SNX29: variants seen among roughly 807,000 people sequenced by gnomAD.
The protein encoded by SNX29 is sorting nexin 29, also known as sorting nexin-29.
In SNX29, 78 loss-of-function variants were observed where a neutral mutation model predicts 102.1. The ratio of observed to expected loss-of-function variants is 0.76; its 90% CI spans 0.64 to 0.92. SNX29 has a LOEUF of 0.92. Among genes scored for constraint, SNX29 ranks in the 40% least tolerant of loss-of-function variants. The pLI is 0.00. For missense variants in SNX29, 1,280 were observed against 1,061.7 expected (o/e 1.21, Z -2.86); for synonymous variants, 580 against 414.5 (o/e 1.40, Z -4.85).
intron 3 of SNX29, 49 bp downstream of exon 3, chr16:12,003,092 G>T: frequency 6.2e-7 from 1 of 1,607,652 alleles, no homozygotes. Flanking sequence ...TGGAAAGGCG[G>T]CAGAAGGTGG....
intron 18 of SNX29, among the ~76,000 whole-genome samples, chr16:12,419,963 C>G (rs541941741): frequency 6.6e-6 from 1 of 152,346 alleles, no homozygotes; most frequent in East Asian, 1.9e-4. Flanking sequence ...AGCCTGCAGG[C>G]TGCCCACAGC....
intron 19 of SNX29, among the ~76,000 whole-genome samples, chr16:12,492,077 C>T (rs979824977): frequency 3.2e-4 from 48 of 152,238 alleles, no homozygotes; most frequent in African/African-American, 1.1e-3. Context: ...ATGGTATTTC[C>T]AGTTCTAGAT....
chr16:12,110,031 C>T (rs999773138), intron 11 of SNX29, among the ~76,000 whole-genome samples: 2 of 152,130 alleles, frequency 1.3e-5, no homozygotes, highest in Non-Finnish European at 1.5e-5. Flanking sequence ...GCCCGGCCCT[C>T]GTCTTTAAAA....
At chr16:12,294,302 G>C (rs540398746) in intron 15 of SNX29, among the ~76,000 whole-genome samples, 12 of 152,230 alleles carry the variant, frequency 7.9e-5, no homozygotes, top group Non-Finnish European at 1.6e-4. Context: ...GCTGTGATGG[G>C]GAACCCTCTT....
intron 15 of SNX29, among the ~76,000 whole-genome samples, chr16:12,353,257 T>C (rs1359455396): frequency 6.6e-6 from 1 of 152,170 alleles, no homozygotes; most frequent in African/African-American, 2.4e-5. Flanking sequence ...AGCATTTCTA[T>C]CTCCTTGGTG....
At chr16:12,092,889 CT>C (rs2052615473) in intron 11 of SNX29, among the ~76,000 whole-genome samples, 1 of 152,158 alleles carries the variant, frequency 6.6e-6, no homozygotes, top group Non-Finnish European at 1.5e-5. Flanking sequence ...TGGCTTTTGG[CT>C]AGGCAAGCCA....
At chr16:12,568,384 AAT>A (rs2079103292) in intron 20 of SNX29, 120 bp from the exon 21 acceptor site, 3 of 1,323,120 alleles carry the variant, frequency 2.3e-6, no homozygotes, top group Non-Finnish European at 3.1e-6. Context: ...AGGCAGATCC[AAT>A]GAGCCAGTCA....
chr16:12,279,425 A>G (rs552471305), intron 15 of SNX29, among the ~76,000 whole-genome samples: 21 of 152,334 alleles, frequency 1.4e-4, no homozygotes, highest in Admixed American at 1.1e-3. Flanking sequence ...TGAGGCCTTA[A>G]CACACAGGTT....
At chr16:12,496,213 G>C (rs768043926) in intron 19 of SNX29, among the ~76,000 whole-genome samples, 1 of 152,228 alleles carries the variant, frequency 6.6e-6, no homozygotes, top group Non-Finnish European at 1.5e-5. Flanking sequence ...CCCTAAAATT[G>C]TGCCTTGCAC....
At chr16:12,213,298 A>G (rs1204737453) in intron 14 of SNX29, among the ~76,000 whole-genome samples, 2 of 152,168 alleles carry the variant, frequency 1.3e-5, no homozygotes, top group Admixed American at 6.5e-5. Flanking sequence ...AGGGGCATAT[A>G]GAGAAACATA....
chr16:12,270,441 C>T (rs1157144182), intron 14 of SNX29, among the ~76,000 whole-genome samples: 1 of 152,102 alleles, frequency 6.6e-6, no homozygotes, highest in Non-Finnish European at 1.5e-5. Context: ...CTTTTACTCC[C>T]AAGGCAAATT....
At chr16:12,492,380 TG>T (rs1302421963) in intron 19 of SNX29, among the ~76,000 whole-genome samples, 14 of 152,342 alleles carry the variant, frequency 9.2e-5, no homozygotes, top group African/African-American at 3.1e-4. Context: ...TGGGGTTGTT[TG>T]TTTTTTTCTT....
At chr16:12,148,437 C>G (rs2055156799) in intron 13 of SNX29, among the ~76,000 whole-genome samples, 1 of 146,998 alleles carries the variant, frequency 6.8e-6, no homozygotes, top group Non-Finnish European at 1.5e-5. Context: ...AAGGCTCTTT[C>G]CCAAGTTTGT....
intron 18 of SNX29, among the ~76,000 whole-genome samples, chr16:12,475,006 G>C (rs2087524858): frequency 6.6e-6 from 1 of 152,214 alleles, no homozygotes; most frequent in Admixed American, 6.5e-5. Context: ...CCTAACCCAA[G>C]TCCAGTTCCT....
chr16:12,563,416 T>C (rs2078843211), intron 20 of SNX29, among the ~76,000 whole-genome samples: 1 of 152,218 alleles, frequency 6.6e-6, no homozygotes, highest in Admixed American at 6.5e-5. Flanking sequence ...CGACTGGATT[T>C]TGTTCCTTGC....
intron 18 of SNX29, among the ~76,000 whole-genome samples, chr16:12,466,697 C>T (rs2087068624): frequency 6.6e-6 from 1 of 152,234 alleles, no homozygotes; most frequent in Admixed American, 6.5e-5. Flanking sequence ...TAGTTTCATG[C>T]TTAAGTTGTG....
At chr16:12,549,720 C>T (rs1597926278) in intron 20 of SNX29, among the ~76,000 whole-genome samples, 1 of 152,212 alleles carries the variant, frequency 6.6e-6, no homozygotes, top group Admixed American at 6.5e-5. Context: ...AGGAGAGTCA[C>T]CCTACAAAGT....
At chr16:12,445,422 C>A (rs8051300) in intron 18 of SNX29, among the ~76,000 whole-genome samples, 11 of 152,096 alleles carry the variant, frequency 7.2e-5, no homozygotes, top group African/African-American at 2.4e-4. Flanking sequence ...GAGCAACTCT[C>A]CTGTGTGCAT....
chr16:12,223,932 A>C (rs1172524850), intron 14 of SNX29, among the ~76,000 whole-genome samples: 1 of 152,166 alleles, frequency 6.6e-6, no homozygotes, highest in Non-Finnish European at 1.5e-5. Flanking sequence ...CATACGAAGA[A>C]ACGTAGCCTC....
Sources: allele counts gnomAD v4.1 joint callset (sites outside exome capture counted in the v4.1 genomes callset), GRCh38; gene constraint gnomAD v4.1.1; transcripts MANE v1.5; gene names NCBI Gene and HGNC (gene_info 2026-07-23, HGNC 2026-07-21).